The following ATRNL1 variants were observed in gnomAD, a reference collection of about 807,000 sequenced individuals.
ATRNL1 encodes the protein attractin-like protein 1.
ATRNL1 carries 95 observed loss-of-function variants against 182.7 expected under a neutral mutation model. The ratio of observed to expected loss-of-function variants is 0.52; its 90% CI spans 0.44 to 0.62. ATRNL1 has a LOEUF of 0.62. Ranked by LOEUF, ATRNL1 falls within the 20% of genes least tolerant of loss-of-function variation. The pLI is 0.00. For synonymous variants in ATRNL1, 576 were observed against 568.3 expected (o/e 1.01, Z -0.19); for missense variants, 1,471 against 1,679.5 (o/e 0.88, Z 2.17).
chr10:115,914,485 GC>G (rs1952784529), intron 28 of ATRNL1, among the ~76,000 whole-genome samples: 1 of 152,188 alleles, frequency 6.6e-6, no homozygotes, highest in South Asian at 2.1e-4. Context: ...ACTGGTTTAT[GC>G]CACATGCGTA....
intron 5 of ATRNL1, among the ~76,000 whole-genome samples, chr10:115,148,784 C>CT (rs1243626187): frequency 7.3e-6 from 1 of 136,450 alleles, no homozygotes; most frequent in Non-Finnish European, 1.5e-5. Flanking sequence ...GAATCTGACT[C>CT]TGTCGCCCAG....
At chr10:115,595,006 T>C (rs1555013519) in intron 26 of ATRNL1, among the ~76,000 whole-genome samples, 1 of 152,176 alleles carries the variant, frequency 6.6e-6, no homozygotes, top group Admixed American at 6.5e-5. Flanking sequence ...ATCAGAAATA[T>C]GTAGCTTGAT....
chr10:115,616,168 C>T (rs1465151074), intron 26 of ATRNL1, among the ~76,000 whole-genome samples: 3 of 152,290 alleles, frequency 2.0e-5, no homozygotes, highest in African/African-American at 4.8e-5. Context: ...CACTTTTGTT[C>T]CTTAGCAAAG....
At chr10:115,194,272 G>T (rs1848273472) in intron 8 of ATRNL1, among the ~76,000 whole-genome samples, 1 of 151,974 alleles carries the variant, frequency 6.6e-6, no homozygotes, top group Admixed American at 6.6e-5. Context: ...TGGATGATCT[G>T]TCCAATCCTA....
At chr10:115,152,292 A>T (rs759979185) in intron 5 of ATRNL1, among the ~76,000 whole-genome samples, 179 of 152,308 alleles carry the variant, frequency 1.2e-3, no homozygotes, top group Non-Finnish European at 2.3e-3. Context: ...TTGAATCTAT[A>T]AATTACCTTT....
At chr10:115,799,689 T>A (rs1336273696) in intron 27 of ATRNL1, among the ~76,000 whole-genome samples, 3 of 152,108 alleles carry the variant, frequency 2.0e-5, no homozygotes, top group Non-Finnish European at 4.4e-5. Context: ...ACTCAGAACT[T>A]CCAGATGTCC....
chr10:115,634,726 C>T (rs1329981564), intron 26 of ATRNL1, among the ~76,000 whole-genome samples: 1 of 151,890 alleles, frequency 6.6e-6, no homozygotes, highest in African/African-American at 2.4e-5. Context: ...TAAAAATAAA[C>T]ATGCTCAAGA....
Position 115,326,796 on chromosome 10 carries a change from T to A in ATRNL1, c.3038-7486T>A, listed in dbSNP as rs1218818718. 5.9e-5 allele frequency among the ~76,000 whole-genome samples: 9 copies of A among 152,308 alleles called. No homozygotes were observed. The South Asian group carries it at 1.2e-3, about 21-fold the overall frequency. On this transcript the variant is annotated intron_variant, in intron 18 of 28. Transcript: ENST00000355044. The stretch of plus-strand genomic sequence containing the variant: ...ATAACGCTGCACATCTACAACTATC[T>A]GATCTTTGACAAACCTGAGAAAAAC...
chr10:115,137,356 C>T (rs1554876941), intron 5 of ATRNL1, among the ~76,000 whole-genome samples: 1 of 152,242 alleles, frequency 6.6e-6, no homozygotes, highest in African/African-American at 2.4e-5. Flanking sequence ...TCATTTAGCT[C>T]AGCACATGGC....
At chr10:115,144,308 C>T (rs889522291) in intron 5 of ATRNL1, among the ~76,000 whole-genome samples, 10 of 152,190 alleles carry the variant, frequency 6.6e-5, no homozygotes, top group South Asian at 6.2e-4. Flanking sequence ...CCACCATGCC[C>T]GTCTAATTTT....
intron 24 of ATRNL1, among the ~76,000 whole-genome samples, chr10:115,488,678 C>T (rs1849148668): frequency 6.6e-6 from 1 of 152,062 alleles, no homozygotes; most frequent in African/African-American, 2.4e-5. Flanking sequence ...AAAACCAGCT[C>T]CTGGATTCAT....
In ATRNL1 at chr10:115,946,383, C is replaced by T. The variant is rs147425189; in HGVS notation, c.*1604C>T. ...GCTGAATTTGATGAGGATTGAATGT[C>T]ATATATAAGAGGAATGATCATACAA... is the stretch of plus-strand genomic sequence containing the variant. On this transcript the variant is annotated 3_prime_UTR_variant, in exon 29 of 29. Coordinates refer to ENST00000355044, the MANE Select transcript of ATRNL1 (RefSeq NM_207303.4). The T allele has an allele frequency of 1.9e-4, 29 of 152,152 alleles. No homozygotes were observed. The East Asian group carries it at 4.3e-3, about 22-fold the overall frequency. 9.4% of individuals were successfully genotyped at this position (152,152 alleles called of 1,614,324 possible).
At chr10:115,238,626 GGTTGTTGTT>G (rs540163057) in intron 9 of ATRNL1, among the ~76,000 whole-genome samples, 16 of 151,796 alleles carry the variant, frequency 1.1e-4, no homozygotes, top group East Asian at 9.6e-4. Flanking sequence ...GGGTTTTTTT[GGTTGTTGTT>G]GTTGTTGTTG....
At chr10:115,898,807 G>A (rs1952273539) in intron 28 of ATRNL1, among the ~76,000 whole-genome samples, 1 of 152,148 alleles carries the variant, frequency 6.6e-6, no homozygotes, top group South Asian at 2.1e-4. Flanking sequence ...TAGCAAAGCT[G>A]ACTAATTTTT....
intron 1 of ATRNL1, among the ~76,000 whole-genome samples, chr10:115,105,962 C>T (rs1843992022): frequency 6.6e-6 from 1 of 152,130 alleles, no homozygotes; most frequent in Admixed American, 6.5e-5. Flanking sequence ...CCTAGTGGAG[C>T]TGTGAGAAGA....
chr10:115,774,348 C>T (rs996690195), intron 27 of ATRNL1, among the ~76,000 whole-genome samples: 1 of 143,486 alleles, frequency 7.0e-6, no homozygotes, highest in Non-Finnish European at 1.5e-5. Flanking sequence ...GAAGCTTAAC[C>T]CAGGCCACGG....
chr10:115,728,227 G>A (rs10885796), intron 27 of ATRNL1, among the ~76,000 whole-genome samples: 64,085 of 145,780 alleles, frequency 0.44, 15,522 homozygotes, highest in East Asian at 0.74. Flanking sequence ...CCCGGGAGGC[G>A]GAGCTTGCAG....
intron 3 of ATRNL1, among the ~76,000 whole-genome samples, chr10:115,126,352 C>T (rs1454480292): frequency 2.0e-5 from 3 of 152,230 alleles, no homozygotes; most frequent in Admixed American, 6.5e-5. Flanking sequence ...GCCACTGCGC[C>T]TGGCCCAGAC....
intron 13 of ATRNL1, among the ~76,000 whole-genome samples, chr10:115,275,190 G>A (rs1439762424): frequency 1.3e-5 from 2 of 152,116 alleles, no homozygotes; most frequent in African/African-American, 4.8e-5. Flanking sequence ...TGCTGAGTAT[G>A]TCTATTCCAA....
Sources: allele counts gnomAD v4.1 joint callset (sites outside exome capture counted in the v4.1 genomes callset), GRCh38; gene constraint gnomAD v4.1.1; transcripts MANE v1.5; gene names NCBI Gene and HGNC (gene_info 2026-07-23, HGNC 2026-07-21).